LRRC8D: variants seen among roughly 807,000 people sequenced by gnomAD.
LRRC8D encodes leucine rich repeat containing 8 VRAC subunit D, also known as volume-regulated anion channel subunit LRRC8D.
In LRRC8D, 20 loss-of-function variants were observed where a neutral mutation model predicts 55.8. The observed-to-expected ratio is 0.36, with a 90% CI of 0.25 to 0.52. The LOEUF (loss-of-function observed/expected upper bound fraction) is 0.52. Ranked by LOEUF, LRRC8D falls within the 20% of genes least tolerant of loss-of-function variation. The pLI, the probability that LRRC8D is intolerant of heterozygous loss-of-function variation, is 0.93. For missense variants in LRRC8D, 651 were observed against 1,030.8 expected (o/e 0.63, Z 5.05); for synonymous variants, 352 against 377.0 (o/e 0.93, Z 0.77).
At chr1:89,843,893 G>GC in intron 2 of LRRC8D, 111 bp downstream of exon 2, 3 of 513,456 alleles carry the variant, frequency 5.8e-6, no homozygotes, top group Admixed American at 3.3e-5. Context: ...TCACTTGCCC[G>GC]CCCCCCACCA....
intron 2 of LRRC8D, among the ~76,000 whole-genome samples, chr1:89,875,277 G>A (rs540186286): frequency 6.6e-6 from 1 of 152,234 alleles, no homozygotes; most frequent in Non-Finnish European, 1.5e-5. Flanking sequence ...AAAGTTAGAA[G>A]CTCTGAAACA....
At chr1:89,893,725 A>G (rs1272618078) in intron 2 of LRRC8D, among the ~76,000 whole-genome samples, 1 of 152,204 alleles carries the variant, frequency 6.6e-6, no homozygotes, top group Non-Finnish European at 1.5e-5. Context: ...GCCTTGAGAC[A>G]TGCAGTTGGT....
chr1:89,894,062 T>C (rs1662645249), intron 2 of LRRC8D, among the ~76,000 whole-genome samples: 1 of 152,086 alleles, frequency 6.6e-6, no homozygotes, highest in African/African-American at 2.4e-5. Context: ...GGAAAGTAAT[T>C]AGGGCATGAG....
At chr1:89,922,419 T>G (rs1040060375) in intron 2 of LRRC8D, among the ~76,000 whole-genome samples, 4 of 152,210 alleles carry the variant, frequency 2.6e-5, no homozygotes, top group African/African-American at 7.2e-5. Flanking sequence ...ATGCCACATA[T>G]TTATCATTAG....
chr1:89,857,184 A>G (rs781646584), intron 2 of LRRC8D, among the ~76,000 whole-genome samples: 9 of 152,102 alleles, frequency 5.9e-5, no homozygotes, highest in Non-Finnish European at 7.4e-5. Flanking sequence ...GGAGTTCAAG[A>G]CCAGCCTGAC....
chr1:89,927,655 C>T (rs1663601774), intron 2 of LRRC8D, among the ~76,000 whole-genome samples: 1 of 152,178 alleles, frequency 6.6e-6, no homozygotes, highest in Non-Finnish European at 1.5e-5. Context: ...GACACACTCA[C>T]CAGAAGTATT....
chr1:89,852,591 T>A (rs570989847), intron 2 of LRRC8D, among the ~76,000 whole-genome samples: 97 of 152,354 alleles, frequency 6.4e-4, no homozygotes, highest in African/African-American at 2.2e-3. Flanking sequence ...GAACTTAACT[T>A]TTTTATAACT....
At chr1:89,882,052 T>C (rs560621650) in intron 2 of LRRC8D, among the ~76,000 whole-genome samples, 311 of 152,296 alleles carry the variant, frequency 2.0e-3, no homozygotes, top group Non-Finnish European at 2.4e-3. Context: ...GAGAGGAAGA[T>C]AAGGCCTCAC....
At chr1:89,887,784 A>C (rs115283401) in intron 2 of LRRC8D, among the ~76,000 whole-genome samples, 1 of 152,304 alleles carries the variant, frequency 6.6e-6, no homozygotes, top group Admixed American at 6.5e-5. Context: ...TGAATTTAAA[A>C]TATGGGATAG....
rs140154233 is a variant in LRRC8D, at chr1:89,857,212, G to A, written c.-3+13430G>A. Among the ~76,000 whole-genome samples, 21 of 151,738 alleles carry A rather than the reference G, an allele frequency of 1.4e-4. No homozygotes were observed. In the South Asian group the frequency reaches 1.7e-3, roughly 12 times the overall value. On this transcript the variant is annotated intron_variant, in intron 2 of 2. Coordinates refer to ENST00000337338, the MANE Select transcript of LRRC8D (RefSeq NM_001134479.2). The stretch of plus-strand genomic sequence containing the variant: ...AGCCTGACCAACATGGAGAAACCCC[G>A]TCTCTACTAAAAAATAGAAAATTAG...
intron 2 of LRRC8D, among the ~76,000 whole-genome samples, chr1:89,925,463 TC>T (rs1349381538): frequency 6.6e-6 from 1 of 152,156 alleles, no homozygotes; most frequent in Non-Finnish European, 1.5e-5. Flanking sequence ...AAAATTGTCT[TC>T]CATGAAACCA....
intron 2 of LRRC8D, among the ~76,000 whole-genome samples, chr1:89,915,057 ATG>A (rs990429538): frequency 1.3e-4 from 19 of 148,568 alleles, no homozygotes; most frequent in African/African-American, 4.8e-4. Context: ...GTGTGTGTGT[ATG>A]TGTGTGGTGT....
chr1:89,895,209 A>C (rs1440472285), intron 2 of LRRC8D, among the ~76,000 whole-genome samples: 2 of 152,244 alleles, frequency 1.3e-5, no homozygotes, highest in African/African-American at 2.4e-5. Context: ...ATTACTACGC[A>C]AGAAAAGATA....
chr1:89,915,851 T>A (rs552147080), intron 2 of LRRC8D, among the ~76,000 whole-genome samples: 1 of 152,286 alleles, frequency 6.6e-6, no homozygotes, highest in South Asian at 2.1e-4. Flanking sequence ...ATGTGCTTTA[T>A]CAGAAAGTAA....
At chr1:89,930,775 A>C (rs1663686696) in intron 2 of LRRC8D, among the ~76,000 whole-genome samples, 1 of 150,916 alleles carries the variant, frequency 6.6e-6, no homozygotes, top group South Asian at 2.1e-4. Flanking sequence ...TGTGCATTCT[A>C]GATAGGAACT....
rs36202085 is a variant in LRRC8D at position 89,874,443 on chromosome 1, TTGTGTGTGTG to T, written c.-3+30690_-3+30699del. On this transcript the variant is annotated intron_variant, in intron 2 of 2. Coordinates refer to ENST00000337338, the MANE Select transcript of LRRC8D (RefSeq NM_001134479.2). ...TATTCCTTGAGAAGTAAGAAACTATTTGTGTGTGTGTGTGTGTGTGTGTGTGTGTGTGTGT... is the reference window on the plus strand; with the variant it reads ...TATTCCTTGAGAAGTAAGAAACTATTTGTGTGTGTGTGTGTGTGTGTGTGT... 6.5e-3 allele frequency among the ~76,000 whole-genome samples: 958 copies of T among 146,392 alleles called. 6 individuals carry two copies. Among genetic ancestry groups the T allele is most frequent in the African/African-American group, 0.023 (903 of 39,868 alleles).
chr1:89,920,526 G>A (rs1663385454), intron 2 of LRRC8D, among the ~76,000 whole-genome samples: 1 of 151,790 alleles, frequency 6.6e-6, no homozygotes, highest in South Asian at 2.1e-4. Context: ...GCATTAGAAA[G>A]GAGCTATTTT....
chr1:89,835,966 C>T (rs1376764615), intron 1 of LRRC8D, among the ~76,000 whole-genome samples: 2 of 152,216 alleles, frequency 1.3e-5, no homozygotes, highest in Non-Finnish European at 2.9e-5. Context: ...CAGTGACCCT[C>T]TTTCCTTTCA....
intron 2 of LRRC8D, among the ~76,000 whole-genome samples, chr1:89,923,430 A>G (rs1570893622): frequency 6.6e-6 from 1 of 152,350 alleles, no homozygotes; most frequent in South Asian, 2.1e-4. Context: ...GATGCAGAGA[A>G]ACCAGGTGCT....
Sources: allele counts gnomAD v4.1 joint callset (sites outside exome capture counted in the v4.1 genomes callset), GRCh38; gene constraint gnomAD v4.1.1; transcripts MANE v1.5; gene names NCBI Gene and HGNC (gene_info 2026-07-23, HGNC 2026-07-21).